NR6A1: variants seen among roughly 807,000 people sequenced by gnomAD.
NR6A1 encodes retinoic acid receptor-related testis-associated receptor.
Under a neutral mutation model 59.1 loss-of-function variants are expected in NR6A1, and 7 were observed. The observed-to-expected ratio is 0.12, with a 90% confidence interval of 0.07 to 0.22. NR6A1 has a LOEUF of 0.22. NR6A1 is among the 10% of genes least tolerant of loss of function. NR6A1 has a pLI of 1.00. For synonymous variants in NR6A1, 243 were observed against 236.1 expected (o/e 1.03, Z -0.27); for missense variants, 468 against 611.6 (o/e 0.77, Z 2.48).
At chr9:124,754,711 A>T (rs1840591326) in intron 1 of NR6A1, among the ~76,000 whole-genome samples, 1 of 152,210 alleles carries the variant, frequency 6.6e-6, no homozygotes, top group Admixed American at 6.5e-5. Context: ...GGGTAAACTG[A>T]ACATCTGGGA....
chr9:124,584,383 T>C (rs553442808), intron 2 of NR6A1, among the ~76,000 whole-genome samples: 50 of 152,124 alleles, frequency 3.3e-4, no homozygotes, highest in African/African-American at 1.1e-3. Context: ...GGGATTACAG[T>C]GTGAGCCACC....
chr9:124,541,324 T>C (rs900189019), intron 4 of NR6A1, among the ~76,000 whole-genome samples: 9 of 151,388 alleles, frequency 5.9e-5, no homozygotes, highest in Admixed American at 5.3e-4. Flanking sequence ...AACAAGAAAC[T>C]TGAACAGACA....
At chr9:124,614,306 C>A (rs1456000007) in intron 2 of NR6A1, among the ~76,000 whole-genome samples, 1 of 152,124 alleles carries the variant, frequency 6.6e-6, no homozygotes, top group Non-Finnish European at 1.5e-5. Context: ...AAAAATCATC[C>A]CAAAGGAGTA....
intron 1 of NR6A1, among the ~76,000 whole-genome samples, chr9:124,748,864 CAAAA>C (rs533825423): frequency 3.0e-5 from 2 of 66,922 alleles, no homozygotes; most frequent in Admixed American, 1.7e-4. Context: ...GACTCTGTCT[CAAAA>C]AAAAAAAAAA....
intron 2 of NR6A1, among the ~76,000 whole-genome samples, chr9:124,689,300 A>G (rs1048675173): frequency 6.6e-6 from 1 of 152,238 alleles, no homozygotes; most frequent in African/African-American, 2.4e-5. Context: ...TCACATAGCT[A>G]GTAAAATTCA....
intron 2 of NR6A1, among the ~76,000 whole-genome samples, chr9:124,644,271 CTTTTTTTTTTT>C (rs35401605): frequency 6.2e-5 from 6 of 96,736 alleles, no homozygotes; most frequent in East Asian, 3.1e-4. Flanking sequence ...ATTAAGTCTT[CTTTTTTTTTTT>C]TTTTTTTTGA....
chr9:124,631,767 G>T (rs1836449776), intron 2 of NR6A1, among the ~76,000 whole-genome samples: 1 of 152,062 alleles, frequency 6.6e-6, no homozygotes, highest in African/African-American at 2.4e-5. Context: ...CATCACCCAG[G>T]TATTAAGCCT....
At chr9:124,614,090 C>T (rs916250148) in intron 2 of NR6A1, among the ~76,000 whole-genome samples, 1 of 152,104 alleles carries the variant, frequency 6.6e-6, no homozygotes, top group Non-Finnish European at 1.5e-5. Context: ...AAGGGAGAAC[C>T]CAGGTAGAGC....
chr9:124,648,546 C>T (rs888950691), intron 2 of NR6A1, among the ~76,000 whole-genome samples: 3 of 152,014 alleles, frequency 2.0e-5, no homozygotes, highest in African/African-American at 4.8e-5. Flanking sequence ...ACATGAATGC[C>T]GACTTTCATC....
intron 1 of NR6A1, 68 bp downstream of exon 1, chr9:124,770,952 G>A (rs888596937): frequency 3.0e-5 from 27 of 903,624 alleles, no homozygotes; most frequent in African/African-American, 1.9e-4. Flanking sequence ...AGAGAGGAGG[G>A]GGATCCCTGG....
At chr9:124,570,705 CTT>C (rs1412216630) in intron 2 of NR6A1, among the ~76,000 whole-genome samples, 5 of 103,018 alleles carry the variant, frequency 4.9e-5, no homozygotes, top group South Asian at 3.3e-4. Flanking sequence ...TCACTGGAAA[CTT>C]TTAAGGATTC....
At chr9:124,599,573 G>T in intron 2 of NR6A1, 1 of 1,029,816 alleles carries the variant, frequency 9.7e-7, no homozygotes, top group Non-Finnish European at 1.3e-6. Flanking sequence ...GTCCGTGGCA[G>T]CCGCCATGAG....
chr9:124,669,519 C>CCTA (rs1837723740), intron 2 of NR6A1, among the ~76,000 whole-genome samples: 1 of 152,174 alleles, frequency 6.6e-6, no homozygotes, highest in Admixed American at 6.5e-5. Context: ...ATTTGCCCTG[C>CCTA]CTACCTGTTG....
intron 2 of NR6A1, among the ~76,000 whole-genome samples, chr9:124,723,197 A>C (rs1352433811): frequency 6.6e-6 from 1 of 152,196 alleles, no homozygotes; most frequent in African/African-American, 2.4e-5. Context: ...GGTAATAGTC[A>C]GATTTTAAAT....
At chr9:124,633,911 T>C (rs944478960) in intron 2 of NR6A1, among the ~76,000 whole-genome samples, 1 of 152,238 alleles carries the variant, frequency 6.6e-6, no homozygotes, top group African/African-American at 2.4e-5. Flanking sequence ...ATTGCAGCCA[T>C]ATACAATTTA....
chr9:124,524,632 A>G, intron 9 of NR6A1, 89 bp downstream of exon 9: 1 of 1,476,384 alleles, frequency 6.8e-7, no homozygotes. Context: ...TGGGCTGGAA[A>G]GAGCACCCTG....
intron 2 of NR6A1, among the ~76,000 whole-genome samples, chr9:124,604,021 T>C (rs999385123): frequency 1.3e-5 from 2 of 152,208 alleles, no homozygotes; most frequent in African/African-American, 4.8e-5. Context: ...AGGATAGGCA[T>C]AGGTAAAAGA....
chr9:124,763,535 A>G (rs184693196), intron 1 of NR6A1, among the ~76,000 whole-genome samples: 57 of 152,390 alleles, frequency 3.7e-4, no homozygotes, highest in Admixed American at 7.2e-4. Context: ...TTAAGGACTC[A>G]ATAAATGGGA....
In NR6A1 at chr9:124,665,187, A is replaced by G. The variant is rs553341971; in HGVS notation, c.142+68121T>C. ...GGTGACAACAAGAACCTTTCTCAAAAAAAAAAAAAAGAATAAAATAAATAA... is the reference window on the plus strand; with the variant it reads ...GGTGACAACAAGAACCTTTCTCAAAGAAAAAAAAAAGAATAAAATAAATAA... On this transcript the variant is annotated intron_variant, in intron 2 of 9. Coordinates refer to ENST00000487099, the MANE Select transcript of NR6A1 (RefSeq NM_033334.4). Among the ~76,000 whole-genome samples, 65 of 151,638 alleles carry G rather than the reference A, an allele frequency of 4.3e-4. 1 individual carries two copies. In the South Asian group the frequency reaches 0.013, roughly 31 times the overall value.
Sources: allele counts gnomAD v4.1 joint callset (sites outside exome capture counted in the v4.1 genomes callset), GRCh38; gene constraint gnomAD v4.1.1; transcripts MANE v1.5; gene names NCBI Gene and HGNC (gene_info 2026-07-23, HGNC 2026-07-21).